Variants in BBX observed in about 807,000 individuals in gnomAD.
BBX encodes the protein BBX high mobility group box domain containing.
In BBX, 30 loss-of-function variants were observed where a neutral mutation model predicts 100.2. That is an observed-to-expected ratio of 0.30 (90% CI 0.22 to 0.41). The LOEUF is 0.41. BBX is among the 10% of genes least tolerant of loss of function. The pLI, the probability that BBX is intolerant of heterozygous loss-of-function variation, is 1.00. For synonymous variants in BBX, 376 were observed against 388.1 expected, an observed-to-expected ratio of 0.97 and a Z score of 0.37; for missense variants, 1,023 against 1,129.8, an observed-to-expected ratio of 0.91 and a Z score of 1.35.
chr3:107,773,307 A>C lies in BBX; in HGVS notation c.1586A>C (p.Lys529Thr). The C allele has an allele frequency of 1.2e-6, 2 of 1,614,102 alleles. No individual in the cohort carries two copies. Among genetic ancestry groups the C allele is most frequent in the Non-Finnish European group, 1.7e-6 (2 of 1,179,988 alleles). The stretch of plus-strand genomic sequence containing the variant: ...ATTTTGGATGCCAAGCCACCAAAGA[A>C]AAAAGTGAAATCAAGAGAGAAGAAA... ...GSILDAKPPK[K>T]KVKSREKKMS... The change falls in exon 11 of 18, where the codon AAA becomes ACA. Residue 529 changes from lysine to threonine, a missense_variant. Transcript: ENST00000325805. This position sits in a 1 kb window ranked among gnomAD's most constrained non-coding sequence, Gnocchi z 4.1.
In BBX at chr3:107,710,468, G is replaced by A. The variant is rs143853371; in HGVS notation, c.8G>A (p.Gly3Asp). The A allele has an allele frequency of 3.2e-5, 51 of 1,611,698 alleles. No individual in the cohort carries two copies. The African/African-American group carries it at 6.3e-4, about 20-fold the overall frequency. The change falls in exon 4 of 18, where the codon GGC becomes GAC. Residue 3 changes from glycine to aspartate, a missense_variant. Coordinates refer to ENST00000325805, the MANE Select transcript of BBX (RefSeq NM_001142568.3). Reference sequence around the variant, plus strand: ...CTATTACAGGTCACAGTAATGAAAGGCAGTAATAGAAATAAGGATCATTCA... The same window carrying A: ...CTATTACAGGTCACAGTAATGAAAGACAGTAATAGAAATAAGGATCATTCA... MK[G>D]SNRNKDHSAE...
Position 107,806,127 on chromosome 3 carries a change from A to G in BBX, c.*670A>G, listed in dbSNP as rs2108076000. 1 of 152,100 alleles carries G rather than the reference A, an allele frequency of 6.6e-6. No individual in the cohort carries two copies. Among genetic ancestry groups the G allele is most frequent in the South Asian group, 2.1e-4 (1 of 4,818 alleles). 9.4% of individuals were successfully genotyped at this position (152,100 alleles called of 1,614,324 possible). On this transcript the variant is annotated 3_prime_UTR_variant, in exon 18 of 18. Coordinates refer to ENST00000325805, the MANE Select transcript of BBX (RefSeq NM_001142568.3). ...GGTAGTTTGCTGGCAAAAAAAAAAAAAAAAGAGAGAGAGAAAAAATTACAA... is the reference window on the plus strand; with the variant it reads ...GGTAGTTTGCTGGCAAAAAAAAAAAGAAAAGAGAGAGAGAAAAAATTACAA...
chr3:107,691,976 ATGAAG>A (rs2060200024), intron 3 of BBX, among the ~76,000 whole-genome samples: 2 of 152,138 alleles, frequency 1.3e-5, no homozygotes, highest in South Asian at 4.1e-4. Flanking sequence ...GTTTTGCTTT[ATGAAG>A]TGAAGTCGAT....
chr3:107,553,157 C>G (rs1175731567), intron 2 of BBX, among the ~76,000 whole-genome samples: 1 of 152,178 alleles, frequency 6.6e-6, no homozygotes, highest in East Asian at 1.9e-4. Flanking sequence ...GTTGAACATT[C>G]TCATTGCATT....
At chr3:107,637,497 A>AC (rs2056921390) in intron 2 of BBX, among the ~76,000 whole-genome samples, 1 of 152,196 alleles carries the variant, frequency 6.6e-6, no homozygotes, top group South Asian at 2.1e-4. Context: ...GCAGTGTGAT[A>AC]CAGGGCAAGT....
intron 7 of BBX, among the ~76,000 whole-genome samples, chr3:107,740,044 C>G (rs1465358090): frequency 6.6e-6 from 1 of 151,988 alleles, no homozygotes; most frequent in Non-Finnish European, 1.5e-5. Flanking sequence ...ATGTGTTCTT[C>G]CATTTAGCCA....
intron 2 of BBX, among the ~76,000 whole-genome samples, chr3:107,645,318 T>A (rs1425586453): frequency 6.6e-6 from 1 of 152,178 alleles, no homozygotes; most frequent in Non-Finnish European, 1.5e-5. Flanking sequence ...TATTTTCTAT[T>A]TGTCCCCCTC....
intron 2 of BBX, among the ~76,000 whole-genome samples, chr3:107,643,885 A>G (rs2057365546): frequency 6.6e-6 from 1 of 152,182 alleles, no homozygotes. Flanking sequence ...TGATAGACTT[A>G]TCACAGGCAG....
In BBX at chr3:107,676,552, A is replaced by G. The variant is rs144863795; in HGVS notation, c.-10+30643A>G. On this transcript the variant is annotated intron_variant, in intron 3 of 17. Transcript: ENST00000325805. ...GTAACAGTAATTACTGTCCTGATAT[A>G]ATGATGCTAATCTTTTATCATCATC... 1.1e-4 allele frequency among the ~76,000 whole-genome samples: 16 copies of G among 152,294 alleles called. No individual in the cohort carries two copies. The East Asian group carries it at 3.1e-3, about 29-fold the overall frequency.
At chr3:107,630,665 A>G (rs1246098353) in intron 2 of BBX, among the ~76,000 whole-genome samples, 3 of 152,220 alleles carry the variant, frequency 2.0e-5, no homozygotes, top group Non-Finnish European at 2.9e-5. Flanking sequence ...TGTTTTGAGT[A>G]TAGAGATCTT....
chr3:107,569,991 G>A (rs571547287), intron 2 of BBX, among the ~76,000 whole-genome samples: 1 of 152,322 alleles, frequency 6.6e-6, no homozygotes, highest in South Asian at 2.1e-4. Context: ...TGCCAGGCAA[G>A]TTGGACAGTC....
intron 2 of BBX, among the ~76,000 whole-genome samples, chr3:107,626,347 A>T (rs1333104251): frequency 1.3e-5 from 2 of 152,238 alleles, no homozygotes; most frequent in African/African-American, 4.8e-5. Context: ...AAATAAAAAT[A>T]GTTGTAGTAT....
intron 2 of BBX, among the ~76,000 whole-genome samples, chr3:107,631,758 A>G (rs2056561698): frequency 6.6e-6 from 1 of 152,114 alleles, no homozygotes; most frequent in African/African-American, 2.4e-5. Flanking sequence ...AGACTCTTTA[A>G]CTTCTCTGCA....
At chr3:107,708,398 G>A (rs1046017282) in intron 3 of BBX, among the ~76,000 whole-genome samples, 3 of 152,024 alleles carry the variant, frequency 2.0e-5, no homozygotes, top group East Asian at 1.9e-4. Context: ...AATGAAGGCC[G>A]GGCGTGGTGG....
intron 7 of BBX, among the ~76,000 whole-genome samples, chr3:107,737,889 T>C (rs1363929200): frequency 7.7e-6 from 1 of 129,554 alleles, no homozygotes; most frequent in Non-Finnish European, 1.7e-5. Context: ...TTCCAGTTTT[T>C]TTTTTTTTTT....
chr3:107,789,956 C>T (rs2068822703), intron 14 of BBX, 80 bp downstream of exon 14: 2 of 1,124,390 alleles, frequency 1.8e-6, no homozygotes. Flanking sequence ...CTCCCATGCA[C>T]TGCCTTTGCC....
intron 3 of BBX, among the ~76,000 whole-genome samples, chr3:107,673,259 A>G (rs1411076026): frequency 2.0e-5 from 3 of 152,092 alleles, no homozygotes; most frequent in African/African-American, 7.2e-5. Flanking sequence ...TGTAGTAGAA[A>G]TGGTTTCAGG....
intron 2 of BBX, among the ~76,000 whole-genome samples, chr3:107,603,081 A>G (rs2054173971): frequency 6.6e-6 from 1 of 152,062 alleles, no homozygotes; most frequent in Admixed American, 6.5e-5. Flanking sequence ...CTCCTGCCTC[A>G]GCCTCCCAAG....
chr3:107,546,057 AC>A (rs1423974148), intron 2 of BBX, among the ~76,000 whole-genome samples: 8 of 152,150 alleles, frequency 5.3e-5, no homozygotes, highest in African/African-American at 1.9e-4. Context: ...GTCATGCTTA[AC>A]CCACTGGCTA....
Sources: allele counts gnomAD v4.1 joint callset (sites outside exome capture counted in the v4.1 genomes callset), GRCh38; gene constraint gnomAD v4.1.1; non-coding constraint Gnocchi (gnomAD v3.1); transcripts MANE v1.5; gene names NCBI Gene and HGNC (gene_info 2026-07-23, HGNC 2026-07-21).